SIPA1L1: variants seen among roughly 807,000 people sequenced by gnomAD.
SIPA1L1 encodes signal-induced proliferation-associated 1-like protein 1.
In SIPA1L1, 26 loss-of-function variants were observed where a neutral mutation model predicts 162.7. That is an observed-to-expected ratio of 0.16 (90% CI 0.12 to 0.22). The LOEUF is 0.22. Among genes scored for constraint, SIPA1L1 ranks in the 10% least tolerant of loss-of-function variants. SIPA1L1 has a pLI of 1.00. For missense variants in SIPA1L1, 1,874 were observed against 2,241.0 expected, an observed-to-expected ratio of 0.84 and a Z score of 3.31; for synonymous variants, 829 against 837.4, an observed-to-expected ratio of 0.99 and a Z score of 0.17.
intron 2 of SIPA1L1, among the ~76,000 whole-genome samples, chr14:71,433,703 G>A (rs1252194770): frequency 3.9e-5 from 6 of 151,940 alleles, no homozygotes; most frequent in African/African-American, 4.8e-5. Context: ...TGTCAAAATC[G>A]GAGTTTTATC....
intron 2 of SIPA1L1, among the ~76,000 whole-genome samples, chr14:71,326,556 A>G (rs748780046): frequency 7.2e-5 from 11 of 151,954 alleles, no homozygotes; most frequent in Admixed American, 2.6e-4. Context: ...GAAAGAAGCT[A>G]TTGAGAAAGA....
At chr14:71,405,471 TTG>T (rs2041971411) in intron 2 of SIPA1L1, among the ~76,000 whole-genome samples, 1 of 152,232 alleles carries the variant, frequency 6.6e-6, no homozygotes, top group Admixed American at 6.5e-5. Context: ...CACTTGTCTC[TTG>T]TGTTTGTACA....
chr14:71,336,826 T>G (rs1371319756), intron 2 of SIPA1L1, among the ~76,000 whole-genome samples: 2 of 152,258 alleles, frequency 1.3e-5, no homozygotes, highest in African/African-American at 4.8e-5. Context: ...CGTTTCTGAT[T>G]CTTCCCTTTC....
chr14:71,485,428 C>T (rs2048675258), intron 2 of SIPA1L1, among the ~76,000 whole-genome samples: 1 of 152,188 alleles, frequency 6.6e-6, no homozygotes, highest in African/African-American at 2.4e-5. Flanking sequence ...TGAGCTCCGC[C>T]TCTTGTCAGA....
At chr14:71,347,371 TAAC>T (rs896876182) in intron 2 of SIPA1L1, among the ~76,000 whole-genome samples, 7 of 152,242 alleles carry the variant, frequency 4.6e-5, no homozygotes, top group African/African-American at 1.7e-4. Context: ...TCTATTCTAA[TAAC>T]ATTTTGTTTT....
At position 71,365,890 on chromosome 14, in the gene SIPA1L1, T is replaced by TC. The variant is rs745406124; in HGVS notation, c.-465+44709_-465+44710insC. ...ACAGTTGTCTGCCAACATGCCTGGT[T>TC]AATTTTTTTTTTTTTTTAAGAGATG... is the stretch of plus-strand genomic sequence containing the variant. On this transcript the variant is annotated intron_variant, in intron 2 of 23. Coordinates refer to ENST00000381232, the MANE Select transcript of SIPA1L1 (RefSeq NM_001386936.1). 3.6e-3 allele frequency among the ~76,000 whole-genome samples: 448 copies of TC among 126,140 alleles called. 4 individuals are homozygous for TC. The highest frequency in any genetic ancestry group is 8.1e-3 in the South Asian group (33 of 4,058). 82.8% of individuals were successfully genotyped at this position (126,140 alleles called of 152,430 possible).
chr14:71,545,993 G>A (rs2055150031), intron 4 of SIPA1L1, among the ~76,000 whole-genome samples: 1 of 151,962 alleles, frequency 6.6e-6, no homozygotes, highest in Non-Finnish European at 1.5e-5. Flanking sequence ...CCAGGCTGTC[G>A]CAAAAGGTGA....
intron 4 of SIPA1L1, among the ~76,000 whole-genome samples, chr14:71,570,642 A>G (rs929834217): frequency 2.6e-5 from 4 of 152,212 alleles, no homozygotes; most frequent in African/African-American, 9.7e-5. Flanking sequence ...AAAACTTAGC[A>G]TGTAAAAGAC....
chr14:71,737,861 C>T (rs1255305251), intron 22 of SIPA1L1, among the ~76,000 whole-genome samples: 1 of 152,068 alleles, frequency 6.6e-6, no homozygotes, highest in Non-Finnish European at 1.5e-5. Flanking sequence ...ACTCCTCTGT[C>T]AAAGCCCACT....
rs1446199997 is a variant in SIPA1L1, at chr14:71,321,108, C to A, written c.-524-14C>A. The A allele has an allele frequency of 6.6e-6, 1 of 152,040 alleles. No individual in the cohort carries two copies. The highest frequency in any genetic ancestry group is 1.5e-5 in the Non-Finnish European group (1 of 67,984). 9.4% of individuals were successfully genotyped at this position (152,040 alleles called of 1,614,324 possible). A position where few individuals can be genotyped will look rare whatever the true frequency, so the allele number is the denominator to read the frequency against. On this transcript the variant is annotated splice_polypyrimidine_tract_variant and intron_variant, in intron 1 of 23. Transcript: ENST00000381232. Reference sequence around the variant, plus strand: ...CGCGCGCCGGCCGTCTACACGGTTTCTCTTTCTCCCCAGGGAGAGCGCGCG... The same window carrying A: ...CGCGCGCCGGCCGTCTACACGGTTTATCTTTCTCCCCAGGGAGAGCGCGCG...
chr14:71,490,081 A>G (rs761722505), intron 2 of SIPA1L1, among the ~76,000 whole-genome samples: 2 of 152,248 alleles, frequency 1.3e-5, no homozygotes, highest in Non-Finnish European at 2.9e-5. Flanking sequence ...GGTTATTGCT[A>G]ACTTTTTAAT....
chr14:71,667,194 C>G (rs982580710), intron 10 of SIPA1L1, among the ~76,000 whole-genome samples: 4 of 152,152 alleles, frequency 2.6e-5, no homozygotes, highest in Non-Finnish European at 1.5e-5. Context: ...TCACCACTCC[C>G]CAGAACAGCA....
chr14:71,575,061 G>C (rs1257794367), intron 4 of SIPA1L1: 1 of 152,120 alleles, frequency 6.6e-6, no homozygotes, highest in Non-Finnish European at 1.5e-5. Flanking sequence ...TCGGAACCAT[G>C]ATATAAATAA....
At chr14:71,407,441 C>G (rs1731328534) in intron 2 of SIPA1L1, among the ~76,000 whole-genome samples, 1 of 149,904 alleles carries the variant, frequency 6.7e-6, no homozygotes, top group Admixed American at 6.7e-5. Context: ...CTTCCTTCCC[C>G]TCCCTTTCTT....
intron 2 of SIPA1L1, among the ~76,000 whole-genome samples, chr14:71,427,236 C>CT (rs548405834): frequency 0.045 from 6,618 of 147,342 alleles, 197 homozygotes; most frequent in Non-Finnish European, 0.063. Context: ...ACTTTCTCAG[C>CT]TTTTTTTTTT....
intron 2 of SIPA1L1, among the ~76,000 whole-genome samples, chr14:71,407,802 A>G (rs997198905): frequency 5.3e-5 from 8 of 152,172 alleles, no homozygotes; most frequent in African/African-American, 1.4e-4. Flanking sequence ...CCTTGTTTCT[A>G]GACTTTTTCT....
At chr14:71,626,582 A>AT (rs2040009380) in intron 7 of SIPA1L1, among the ~76,000 whole-genome samples, 2 of 152,200 alleles carry the variant, frequency 1.3e-5, no homozygotes, top group African/African-American at 4.8e-5. Flanking sequence ...GGAAATGCTT[A>AT]TAAGTGCAGT....
chr14:71,543,837 CATATGT>C (rs2054716594), intron 4 of SIPA1L1, among the ~76,000 whole-genome samples: 1 of 134,616 alleles, frequency 7.4e-6, no homozygotes, highest in Admixed American at 7.4e-5. Flanking sequence ...ATACATATAT[CATATGT>C]ATGTGTATAT....
At chr14:71,424,151 A>G (rs2043391449) in intron 2 of SIPA1L1, among the ~76,000 whole-genome samples, 1 of 152,068 alleles carries the variant, frequency 6.6e-6, no homozygotes, top group Non-Finnish European at 1.5e-5. Context: ...TGCTGAATTC[A>G]TTTATTAGTT....
Sources: gnomAD v4.1 joint callset for allele counts (sites outside exome capture counted in the v4.1 genomes callset) on GRCh38, gnomAD v4.1.1 for gene constraint, MANE v1.5 for transcripts, NCBI Gene and HGNC (gene_info 2026-07-23, HGNC 2026-07-21) for gene names.